Variants in KCNH1 observed in about 807,000 individuals in gnomAD.
The protein encoded by KCNH1 is potassium voltage-gated channel subfamily H member 1.
A neutral mutation model predicts 69.2 loss-of-function variants in KCNH1; 27 were observed. The ratio of observed to expected loss-of-function variants is 0.39; its 90% CI spans 0.29 to 0.54. The LOEUF is 0.54. Among genes scored for constraint, KCNH1 ranks in the 20% least tolerant of loss-of-function variants. The probability of loss-of-function intolerance (pLI) is 0.68; values close to 1 mark genes in which losing one functional copy is unlikely to be tolerated. For missense variants in KCNH1, 798 were observed against 1,261.6 expected, an observed-to-expected ratio of 0.63 and a Z score of 5.57; for synonymous variants, 456 against 487.7, an observed-to-expected ratio of 0.93 and a Z score of 0.86.
intron 5 of KCNH1, among the ~76,000 whole-genome samples, chr1:211,022,039 C>G (rs916740635): frequency 6.6e-6 from 1 of 152,060 alleles, no homozygotes; most frequent in East Asian, 1.9e-4. Context: ...GCAAAAAGAA[C>G]AAAACTAGAG....
chr1:210,997,862 A>G (rs897404401), intron 6 of KCNH1, among the ~76,000 whole-genome samples: 1 of 152,272 alleles, frequency 6.6e-6, no homozygotes, highest in Non-Finnish European at 1.5e-5. Context: ...GATATTCAAC[A>G]TTCTTAAAGA....
chr1:211,018,637 G>A, intron 6 of KCNH1, 146 bp downstream of exon 6: 1 of 697,694 alleles, frequency 1.4e-6, no homozygotes, highest in South Asian at 1.9e-5. Flanking sequence ...GGGAACAGCA[G>A]GCAAGGGTAT....
chr1:210,861,454 A>G (rs1685976215), intron 7 of KCNH1: 2 of 776,020 alleles, frequency 2.6e-6, no homozygotes, highest in African/African-American at 1.7e-5. Context: ...CAGAGCTTCC[A>G]TATCTTTCAA....
At chr1:211,018,407 G>A (rs1220393715) in intron 6 of KCNH1, among the ~76,000 whole-genome samples, 3 of 152,224 alleles carry the variant, frequency 2.0e-5, no homozygotes, top group Non-Finnish European at 2.9e-5. Context: ...GTCAGCAGCA[G>A]ATAAAAGAAA....
chr1:211,079,118 A>G (rs1690797710), intron 5 of KCNH1, among the ~76,000 whole-genome samples: 1 of 152,126 alleles, frequency 6.6e-6, no homozygotes. Context: ...ACACAATAAA[A>G]AAATGATAAA....
intron 6 of KCNH1, among the ~76,000 whole-genome samples, chr1:210,931,582 G>C (rs191129133): frequency 1.8e-3 from 275 of 152,126 alleles, no homozygotes; most frequent in Non-Finnish European, 3.4e-3. Flanking sequence ...CTCTGGTGAT[G>C]GGTGCATCAA....
At chr1:210,871,650 T>C (rs952014168) in intron 7 of KCNH1, among the ~76,000 whole-genome samples, 7 of 151,678 alleles carry the variant, frequency 4.6e-5, no homozygotes, top group South Asian at 2.1e-4. Flanking sequence ...TTGGAACCAA[T>C]CCAAATGTCC....
chr1:210,717,932 C>T lies in KCNH1; in HGVS notation c.2113-33794G>A, dbSNP rs1235916877. Among the ~76,000 whole-genome samples the T allele has an allele frequency of 3.3e-5, 5 of 151,992 alleles. No homozygotes were observed. The East Asian group carries it at 9.6e-4, about 29-fold the overall frequency. ...ACCAGGCCTGGCCAACATAGTGAAA[C>T]CCCATGTCTACTAAAAATATAAAAG... On this transcript the variant is annotated intron_variant, in intron 10 of 10. Coordinates refer to ENST00000271751, the MANE Select transcript of KCNH1 (RefSeq NM_172362.3).
intron 6 of KCNH1, among the ~76,000 whole-genome samples, chr1:210,974,240 T>C (rs1006314229): frequency 5.3e-5 from 8 of 152,184 alleles, no homozygotes; most frequent in Non-Finnish European, 7.3e-5. Context: ...CAAATGGGTG[T>C]TGGATTTTAT....
chr1:210,767,117 A>G (rs139884094), intron 10 of KCNH1, among the ~76,000 whole-genome samples: 6 of 152,238 alleles, frequency 3.9e-5, no homozygotes, highest in Non-Finnish European at 7.3e-5. Context: ...AACTTGGCAG[A>G]TGGGTTCGAA....
At chr1:210,792,278 A>T (rs1049355399) in intron 9 of KCNH1, among the ~76,000 whole-genome samples, 2 of 152,032 alleles carry the variant, frequency 1.3e-5, no homozygotes, top group African/African-American at 4.8e-5. Context: ...GTATTTGTGG[A>T]ACCCAAATCT....
intron 7 of KCNH1, among the ~76,000 whole-genome samples, chr1:210,913,327 A>C (rs1256750305): frequency 6.6e-6 from 1 of 152,146 alleles, no homozygotes; most frequent in Non-Finnish European, 1.5e-5. Context: ...CAGCATTCTC[A>C]TGCTCCCGAG....
At chr1:210,859,875 T>C (rs1203024419) in intron 7 of KCNH1, 2 of 1,231,280 alleles carry the variant, frequency 1.6e-6, no homozygotes, top group East Asian at 2.3e-5. Flanking sequence ...GAAGTGAAGA[T>C]TTTCTAAGGT....
chr1:210,810,607 T>C (rs1684683087), intron 7 of KCNH1, among the ~76,000 whole-genome samples: 2 of 152,196 alleles, frequency 1.3e-5, no homozygotes, highest in Non-Finnish European at 2.9e-5. Flanking sequence ...GCTTTTGCTC[T>C]TTTATTGAAT....
intron 7 of KCNH1, among the ~76,000 whole-genome samples, chr1:210,886,428 G>A (rs557147465): frequency 2.0e-5 from 3 of 152,196 alleles, no homozygotes; most frequent in Non-Finnish European, 4.4e-5. Context: ...AAAAACCCAC[G>A]AAGATGAGGA....
At chr1:210,702,693 C>G (rs974159520) in intron 10 of KCNH1, among the ~76,000 whole-genome samples, 1 of 152,184 alleles carries the variant, frequency 6.6e-6, no homozygotes, top group Non-Finnish European at 1.5e-5. Context: ...TTTAAGCCAA[C>G]CCCCTGAATT....
rs1322125518 is a variant in KCNH1, at chr1:210,913,824, A to G, written c.1462+5816T>C. ...CACATGACCACTCAGAATAAATACT[A>G]TATTTCTATATTTCCAAGCTTCCCT... On this transcript the variant is annotated intron_variant, in intron 7 of 10. Transcript: ENST00000271751. Among the ~76,000 whole-genome samples the G allele has an allele frequency of 2.6e-5, 4 of 152,316 alleles. 1 individual carries two copies. The East Asian group carries it at 5.8e-4, about 22-fold the overall frequency.
At chr1:211,033,713 A>G (rs565814712) in intron 5 of KCNH1, among the ~76,000 whole-genome samples, 2 of 151,712 alleles carry the variant, frequency 1.3e-5, no homozygotes, top group Non-Finnish European at 2.9e-5. Flanking sequence ...GAATTGATCA[A>G]TGAGAACACA....
At chr1:210,894,796 C>T (rs1686829369) in intron 7 of KCNH1, among the ~76,000 whole-genome samples, 1 of 152,208 alleles carries the variant, frequency 6.6e-6, no homozygotes, top group Non-Finnish European at 1.5e-5. Context: ...GATGCCAGCA[C>T]CATGCTCTTG....
Sources: gnomAD v4.1 joint callset for allele counts (sites outside exome capture counted in the v4.1 genomes callset) on GRCh38, gnomAD v4.1.1 for gene constraint, MANE v1.5 for transcripts, NCBI Gene and HGNC (gene_info 2026-07-23, HGNC 2026-07-21) for gene names.